The following HNRNPU variants were observed in gnomAD, a reference collection of about 807,000 sequenced individuals.
HNRNPU encodes HNRNPU antisense RNA 1.
In HNRNPU, 5 loss-of-function variants were observed where a neutral mutation model predicts 94.7. The observed-to-expected ratio is 0.05, with a 90% CI of 0.03 to 0.11. HNRNPU has a LOEUF of 0.11. HNRNPU is among the 10% of genes least tolerant of loss of function. The probability of loss-of-function intolerance (pLI) is 1.00; values close to 1 mark genes in which losing one functional copy is unlikely to be tolerated. For synonymous variants in HNRNPU, 434 were observed against 381.6 expected (o/e 1.14, Z -1.60); for missense variants, 710 against 1,049.2 (o/e 0.68, Z 4.47).
intron 4 of HNRNPU, 97 bp downstream of exon 4, chr1:244,860,238 T>C (rs1573333685): frequency 3.6e-5 from 36 of 987,216 alleles, no homozygotes; most frequent in South Asian, 3.1e-4. Context: ...GACGCGGAGG[T>C]TGCAGTGAGC....
intron 5 of HNRNPU, 128 bp downstream of exon 5, chr1:244,859,147 C>A (rs932039062): frequency 3.3e-6 from 2 of 604,556 alleles, no homozygotes; most frequent in Non-Finnish European, 5.9e-6. Flanking sequence ...GCTAATATTA[C>A]CTGTCTGAAG....
At chr1:244,859,624 G>T in intron 4 of HNRNPU, 1 of 288,662 alleles carries the variant, frequency 3.5e-6, no homozygotes. Context: ...CATGTTGTCA[G>T]TCTTTAACTT....
chr1:244,861,324 C>T (rs1051518891), intron 3 of HNRNPU: 1 of 152,184 alleles, frequency 6.6e-6, no homozygotes, highest in African/African-American at 2.4e-5. Flanking sequence ...CTTATATTGA[C>T]ATATTCCTGA....
At position 244,858,043 on chromosome 1, in the gene HNRNPU, G is replaced by T. The variant is rs1680726249; in HGVS notation, c.1462C>A (p.Pro488Thr). The T allele has an allele frequency of 6.2e-7, 1 of 1,612,680 alleles. No individual in the cohort carries two copies. Among genetic ancestry groups the T allele is most frequent in the Non-Finnish European group, 8.5e-7 (1 of 1,179,632 alleles). The stretch of plus-strand genomic sequence containing the variant: ...TCTTTCTTCTCTTCAGGCCCCTTTG[G>T]TCCTCTAACTCGATCCTCTAAGGGG... ...NVPLEDRVRG[P>T]KGPEEKKDCE... The change falls in exon 7 of 14, where the codon CCA becomes ACA. Residue 488 changes from proline to threonine, a missense_variant. Around this residue, in one of 8 missense-constraint regions of HNRNPU, gnomAD observed 150 missense variants for 187.9 expected, o/e 0.80. Transcript: ENST00000640218.
intron 3 of HNRNPU, chr1:244,861,533 A>C (rs1680828692): frequency 6.6e-6 from 1 of 152,204 alleles, no homozygotes; most frequent in African/African-American, 2.4e-5. Context: ...TTCCAGTAAG[A>C]AAGAGTTTTA....
chr1:244,857,563 A>G, intron 8 of HNRNPU, 35 bp downstream of exon 8: 1 of 1,602,482 alleles, frequency 6.2e-7, no homozygotes, highest in Non-Finnish European at 8.5e-7. Context: ...AGTCTATTTT[A>G]AACACTGAGA....
At position 244,856,513 on chromosome 1, in the gene HNRNPU, T is replaced by C. The variant is rs1300093915; in HGVS notation, c.1856A>G (p.Lys619Arg). 1 of 1,614,136 alleles carries C rather than the reference T, an allele frequency of 6.2e-7. No individual in the cohort carries two copies. Among genetic ancestry groups the C allele is most frequent in the Admixed American group, 1.7e-5 (1 of 60,034 alleles). ...GTCTTTCCCCTCTACTTCTGCTTTC[T>C]TCTGTGTTCTTTGCTTATAGTCTTC... ...KDEDYKQRTQ[K>R]KAEVEGKDLP... Residue 619 changes from lysine to arginine, a missense_variant, in exon 10 of 14, where the codon AAG (lysine) becomes AGG (arginine). Physicochemically the swap from Lys to Arg is conservative, Grantham distance 26 (BLOSUM62 2). Transcript: ENST00000640218.
intron 3 of HNRNPU, 191 bp from the exon 4 acceptor site, chr1:244,860,665 A>C: frequency 1.7e-6 from 1 of 591,138 alleles, no homozygotes; most frequent in Non-Finnish European, 3.0e-6. Flanking sequence ...TAAATTATGT[A>C]CTGAAAAGTA....
At chr1:244,863,251 CCGCACCGCGCGCA>C (rs1481110132) in intron 1 of HNRNPU, 67 of 197,588 alleles carry the variant, frequency 3.4e-4, no homozygotes, top group African/African-American at 1.2e-3. Flanking sequence ...AGACATGTGC[CCGCACCGCGCGCA>C]CGCAGCGCGA....
At chr1:244,860,607 T>TG (rs1235091621) in intron 3 of HNRNPU, 133 bp from the exon 4 acceptor site, 4 of 673,506 alleles carry the variant, frequency 5.9e-6, no homozygotes, top group Non-Finnish European at 1.0e-5. Context: ...ATCATGCTGT[T>TG]GTTCCAATTT....
In HNRNPU at chr1:244,851,421, CAT is replaced by C. The variant is rs1031528783; in HGVS notation, c.*3027_*3028del. ...TATTGTGAATAAATTTATCAAAAAA[CAT>C]GTCATCCAATTCCCACAAATGAGAC... On this transcript the variant is annotated 3_prime_UTR_variant, in exon 14 of 14. Coordinates refer to ENST00000640218, the MANE Select transcript of HNRNPU (RefSeq NM_031844.3). 3 of 152,176 alleles carry C rather than the reference CAT, an allele frequency of 2.0e-5. No homozygotes were observed. The highest frequency in any genetic ancestry group is 4.8e-5 in the African/African-American group (2 of 41,430). 9.4% of individuals were successfully genotyped at this position (152,176 alleles called of 1,614,324 possible). A position where few individuals can be genotyped will look rare whatever the true frequency, so the allele number is the denominator to read the frequency against.
rs760008220 is a variant in HNRNPU, at chr1:244,856,902, TAA to T, written c.1615-48_1615-47del. 5.0e-4 allele frequency: 745 copies of T among 1,498,534 alleles called. 1 individual carries two copies. Among genetic ancestry groups the T allele is most frequent in the Non-Finnish European group, 4.4e-4 (483 of 1,100,780 alleles). 92.8% of individuals were successfully genotyped at this position (1,498,534 alleles called of 1,614,324 possible). A position where few individuals can be genotyped will look rare whatever the true frequency, so the allele number is the denominator to read the frequency against. ...TTCCCCTTGAACTTGTGAATTTTAA[TAA>T]GTTATGCTTTTTAAAATTCAACTCA... On this transcript the variant is annotated intron_variant, in intron 8 of 13. Coordinates refer to ENST00000640218, the MANE Select transcript of HNRNPU (RefSeq NM_031844.3).
chr1:244,860,499 T>A, intron 3 of HNRNPU, 25 bp from the exon 4 acceptor site: 2 of 1,566,810 alleles, frequency 1.3e-6, no homozygotes, highest in African/African-American at 2.7e-5. Flanking sequence ...AATACTGTGT[T>A]ACTTTTGACA....
Position 244,863,727 on chromosome 1 carries a change from A to C in HNRNPU, c.581T>G (p.Phe194Cys). 6.4e-7 allele frequency: 1 copy of C among 1,566,438 alleles called. No individual in the cohort carries two copies. Among genetic ancestry groups the C allele is most frequent in the Non-Finnish European group, 8.6e-7 (1 of 1,162,780 alleles). The change falls in exon 1 of 14, where the codon TTC becomes TGC. Residue 194 changes from phenylalanine (F) to cysteine (C), a missense_variant. This residue lies in a region of HNRNPU where 292 missense variants were observed against 293.4 expected (regional missense o/e 1.00). Transcript: ENST00000640218. ...CCCGGGCGGCGCCACCGTCACCGCG[A>C]ACAGCGAGGTGGGGCCGCTGCTCTT... Reference protein sequence around the residue: ...AGKSSGPTSLFAVTVAPPGAR... With the variant: ...AGKSSGPTSLCAVTVAPPGAR...
At position 244,864,517 on chromosome 1, in the gene HNRNPU, T is replaced by G; in HGVS notation, c.-210A>C. On this transcript the variant is annotated 5_prime_UTR_variant, in exon 1 of 14. Coordinates refer to ENST00000640218, the MANE Select transcript of HNRNPU (RefSeq NM_031844.3). ...CGCGAGGGAGACGCGGAGACTCGCCTGGCGCGAGCGAGCACGCAACGTCCT... is the reference window on the plus strand; with the variant it reads ...CGCGAGGGAGACGCGGAGACTCGCCGGGCGCGAGCGAGCACGCAACGTCCT... 1.3e-6 allele frequency: 1 copy of G among 786,224 alleles called. No individual in the cohort carries two copies. Among genetic ancestry groups the G allele is most frequent in the Non-Finnish European group, 1.9e-6 (1 of 528,894 alleles). 48.7% of individuals were successfully genotyped at this position (786,224 alleles called of 1,614,324 possible).
intron 3 of HNRNPU, chr1:244,862,143 G>A: frequency 3.8e-6 from 1 of 263,920 alleles, no homozygotes; most frequent in Non-Finnish European, 7.2e-6. Flanking sequence ...GTAGAAGCCT[G>A]TAAGGCTAAA....
In HNRNPU at chr1:244,851,912, C is replaced by T. The variant is rs1049562971; in HGVS notation, c.*2538G>A. ...CAAATTCTATGCTGTTTTTGTACTA[C>T]TGCAGCTGACCAATCCAAAGCCAGT... On this transcript the variant is annotated 3_prime_UTR_variant, in exon 14 of 14. Transcript: ENST00000640218. The T allele has an allele frequency of 1.3e-5, 2 of 152,192 alleles. No individual in the cohort carries two copies. The highest frequency in any genetic ancestry group is 4.8e-5 in the African/African-American group (2 of 41,424). The allele number at this position is 152,192 out of a possible 1,614,324, so 9.4% of individuals were successfully genotyped here.
chr1:244,856,170 A>G lies in HNRNPU; in HGVS notation c.1913-12T>C, dbSNP rs768888610. 8.2e-6 allele frequency: 13 copies of G among 1,593,466 alleles called. No homozygotes were observed. The highest frequency in any genetic ancestry group is 1.1e-5 in the Non-Finnish European group (13 of 1,172,830). ...GAGGGTAAAGTTTCCTGCAGGAAAC[A>G]AAGTCATATTATTAATTTAGAAACC... On this transcript the variant is annotated splice_polypyrimidine_tract_variant and intron_variant, in intron 10 of 13. Coordinates refer to ENST00000640218, the MANE Select transcript of HNRNPU (RefSeq NM_031844.3).
At chr1:244,860,290 G>T in intron 4 of HNRNPU, 45 bp downstream of exon 4, 1 of 1,563,434 alleles carries the variant, frequency 6.4e-7, no homozygotes, top group Non-Finnish European at 8.7e-7. Context: ...AACAGAGTGA[G>T]ACTGTCTCCA....
Sources: allele counts gnomAD v4.1 joint callset, GRCh38; gene constraint gnomAD v4.1.1; regional missense constraint gnomAD v4.1.1; transcripts MANE v1.5; gene names NCBI Gene and HGNC (gene_info 2026-07-23, HGNC 2026-07-21).